RUNDC3B: variants seen among roughly 807,000 people sequenced by gnomAD.
RUNDC3B encodes RUN domain containing 3B.
A neutral mutation model predicts 58.4 loss-of-function variants in RUNDC3B; 33 were observed. The observed-to-expected ratio is 0.56, with a 90% CI of 0.43 to 0.75. RUNDC3B has a LOEUF of 0.75. Ranked by LOEUF, RUNDC3B falls within the 30% of genes least tolerant of loss-of-function variation. The pLI is 0.00. For synonymous variants in RUNDC3B, 193 were observed against 195.2 expected (o/e 0.99, Z 0.10); for missense variants, 501 against 535.7 (o/e 0.94, Z 0.64).
intron 4 of RUNDC3B, among the ~76,000 whole-genome samples, chr7:87,726,453 A>G (rs549915041): frequency 1.3e-5 from 2 of 151,958 alleles, no homozygotes; most frequent in Admixed American, 6.6e-5. Context: ...TGGTCTATAT[A>G]TCTGTTTTGG....
intron 2 of RUNDC3B, among the ~76,000 whole-genome samples, chr7:87,653,517 T>C (rs979754587): frequency 6.6e-6 from 1 of 152,106 alleles, no homozygotes; most frequent in Admixed American, 6.6e-5. Flanking sequence ...GGGGGACATA[T>C]AGTCTTTGCC....
chr7:87,790,023 T>C (rs1563211368), intron 8 of RUNDC3B, among the ~76,000 whole-genome samples: 1 of 152,188 alleles, frequency 6.6e-6, no homozygotes, highest in Non-Finnish European at 1.5e-5. Flanking sequence ...CCTAGGGCCT[T>C]GAGTGAACAT....
intron 4 of RUNDC3B, among the ~76,000 whole-genome samples, chr7:87,719,045 C>T (rs1217046156): frequency 3.3e-5 from 5 of 151,952 alleles, no homozygotes; most frequent in South Asian, 4.1e-4. Flanking sequence ...AATACATATA[C>T]ACAAGTAACA....
chr7:87,716,699 G>A (rs1391822982), intron 4 of RUNDC3B, among the ~76,000 whole-genome samples: 11 of 152,168 alleles, frequency 7.2e-5, no homozygotes, highest in Non-Finnish European at 1.2e-4. Flanking sequence ...TTGATAAGAT[G>A]TCTAGTGAGA....
chr7:87,828,612 T>C (rs946016583), intron 10 of RUNDC3B, among the ~76,000 whole-genome samples: 3 of 152,032 alleles, frequency 2.0e-5, no homozygotes, highest in African/African-American at 7.2e-5. Context: ...ATTTTCTTTA[T>C]CCAGTCCACT....
At chr7:87,792,767 CAAAT>C (rs1244814315) in intron 8 of RUNDC3B, among the ~76,000 whole-genome samples, 9 of 151,812 alleles carry the variant, frequency 5.9e-5, no homozygotes, top group Admixed American at 1.3e-4. Flanking sequence ...AGAAAAACTT[CAAAT>C]AAATAACCTA....
In RUNDC3B at chr7:87,810,880, G is replaced by A. The variant is rs901696718; in HGVS notation, c.1103+3361G>A. On this transcript the variant is annotated intron_variant, in intron 9 of 10. Transcript: ENST00000394654. Reference sequence around the variant, plus strand: ...TTAACATGATACCATGTAAAAGCCTGTAATACTTTAACTTTAAAAGCCTGT... The same window carrying A: ...TTAACATGATACCATGTAAAAGCCTATAATACTTTAACTTTAAAAGCCTGT... Among the ~76,000 whole-genome samples, 3 of 152,068 alleles carry A rather than the reference G, an allele frequency of 2.0e-5. No homozygotes were observed. The East Asian group carries it at 5.8e-4, about 29-fold the overall frequency.
chr7:87,724,404 C>T (rs943152850), intron 4 of RUNDC3B, among the ~76,000 whole-genome samples: 15 of 151,938 alleles, frequency 9.9e-5, no homozygotes, highest in African/African-American at 3.6e-4. Context: ...AAATTTAAGG[C>T]TAAGTCTAAA....
intron 8 of RUNDC3B, among the ~76,000 whole-genome samples, chr7:87,796,608 A>T (rs1286095927): frequency 1.3e-5 from 2 of 152,210 alleles, no homozygotes; most frequent in Admixed American, 1.3e-4. Flanking sequence ...AAAAACTTTA[A>T]AAAGAAAGAA....
chr7:87,791,829 A>G (rs528599966), intron 8 of RUNDC3B, among the ~76,000 whole-genome samples: 1 of 152,264 alleles, frequency 6.6e-6, no homozygotes, highest in South Asian at 2.1e-4. Context: ...CAAAGCAACC[A>G]GAAAACAACA....
intron 10 of RUNDC3B, among the ~76,000 whole-genome samples, chr7:87,823,833 T>TATAC (rs1837643897): frequency 6.6e-6 from 1 of 151,226 alleles, no homozygotes; most frequent in African/African-American, 2.4e-5. Context: ...CATATATATA[T>TATAC]ACACACTCAC....
chr7:87,823,901 G>C (rs1837648495), intron 10 of RUNDC3B, among the ~76,000 whole-genome samples: 1 of 151,000 alleles, frequency 6.6e-6, no homozygotes, highest in Admixed American at 6.6e-5. Flanking sequence ...TGGGCATTTG[G>C]GTTCGTTATA....
chr7:87,829,930 C>T lies in RUNDC3B; in HGVS notation c.1271C>T (p.Thr424Met), dbSNP rs768922276. The T allele has an allele frequency of 8.1e-6, 13 of 1,608,444 alleles. No individual in the cohort carries two copies. Among genetic ancestry groups the T allele is most frequent in the East Asian group, 2.2e-5 (1 of 44,676 alleles). ...PSLLGLCGSL[T>M]SVASYKSLTS... The stretch of plus-strand genomic sequence containing the variant: ...TTACTTGGCCTCTGTGGATCTCTAA[C>T]GTCAGTGGCAAGTTACAAGTCTCTA... Residue 424 changes from threonine to methionine, a missense_variant, in exon 11 of 11, where the codon ACG becomes ATG. Thr to Met is a moderately conservative substitution (Grantham distance 81). Coordinates refer to ENST00000394654, the MANE Select transcript of RUNDC3B (RefSeq NM_001134405.2).
At chr7:87,631,264 A>G (rs1821186817) in intron 1 of RUNDC3B, among the ~76,000 whole-genome samples, 1 of 152,270 alleles carries the variant, frequency 6.6e-6, no homozygotes, top group Admixed American at 6.5e-5. Context: ...GTACATTTTA[A>G]GTATCCCCAT....
chr7:87,813,685 G>A (rs1584266918), intron 9 of RUNDC3B, among the ~76,000 whole-genome samples: 1 of 152,166 alleles, frequency 6.6e-6, no homozygotes, highest in East Asian at 1.9e-4. Context: ...CTAGCTAAAA[G>A]AGGTAAGATT....
chr7:87,726,477 C>T (rs1430100334), intron 4 of RUNDC3B, among the ~76,000 whole-genome samples: 1 of 152,168 alleles, frequency 6.6e-6, no homozygotes, highest in Admixed American at 6.5e-5. Context: ...CAGTACCATG[C>T]TGTTTTGGTT....
intron 2 of RUNDC3B, among the ~76,000 whole-genome samples, chr7:87,658,766 T>C (rs1452118947): frequency 2.0e-5 from 3 of 152,302 alleles, no homozygotes; most frequent in Admixed American, 2.0e-4. Flanking sequence ...AGCAGAATTA[T>C]TCTTCAGCAA....
intron 2 of RUNDC3B, among the ~76,000 whole-genome samples, chr7:87,672,421 T>A (rs1012918589): frequency 6.6e-6 from 1 of 152,126 alleles, no homozygotes; most frequent in African/African-American, 2.4e-5. Context: ...GGAGGTGCAG[T>A]GCTGCTACCG....
intron 2 of RUNDC3B, among the ~76,000 whole-genome samples, chr7:87,652,022 A>C (rs1236408274): frequency 1.3e-5 from 2 of 152,130 alleles, no homozygotes. Context: ...AAGAAAATAA[A>C]ATTTTTATAA....
Sources: gnomAD v4.1 joint callset for allele counts (sites outside exome capture counted in the v4.1 genomes callset) on GRCh38, gnomAD v4.1.1 for gene constraint, MANE v1.5 for transcripts, NCBI Gene and HGNC (gene_info 2026-07-23, HGNC 2026-07-21) for gene names.